Variants in PCNX1 observed in about 807,000 individuals in gnomAD.
PCNX1 encodes pecanex-like protein 1.
PCNX1 carries 78 observed loss-of-function variants against 242.2 expected under a neutral mutation model. The observed-to-expected ratio is 0.32, with a 90% CI of 0.27 to 0.39. PCNX1 has a LOEUF of 0.39. Ranked by LOEUF, PCNX1 falls within the 10% of genes least tolerant of loss-of-function variation. The pLI is 1.00. For synonymous variants in PCNX1, 1,024 were observed against 1,032.9 expected (o/e 0.99, Z 0.17); for missense variants, 2,581 against 2,856.5 (o/e 0.90, Z 2.20).
rs1451830506 is a variant in PCNX1 at position 71,033,525 on chromosome 14, C to T, written c.3655C>T (p.Pro1219Ser). The change falls in exon 17 of 36, where the codon CCA becomes TCA. Residue 1219 changes from proline to serine, a missense_variant. Physicochemically the swap from Pro to Ser is moderately conservative, Grantham distance 74. Coordinates refer to ENST00000304743, the MANE Select transcript of PCNX1 (RefSeq NM_014982.3). ...CCATCTCAGCCGACAAAGCAGTGAT[C>T]CATCTGTACTTTTGTAAGTGAACTC... Reference protein sequence around the residue: ...SYHLSRQSSDPSVLFSLVQSK... With the variant: ...SYHLSRQSSDSSVLFSLVQSK... The T allele has an allele frequency of 7.7e-6, 12 of 1,560,516 alleles. No individual in the cohort carries two copies. Among genetic ancestry groups the T allele is most frequent in the Non-Finnish European group, 1.1e-5 (12 of 1,134,258 alleles).
chr14:71,088,306 C>T (rs2062043889), intron 28 of PCNX1, 24 bp from the exon 29 acceptor site: 1 of 1,355,272 alleles, frequency 7.4e-7, no homozygotes, highest in Admixed American at 1.7e-5. Flanking sequence ...TTTCTGATAA[C>T]TAATGTTTTT....
At chr14:71,099,899 TTTTG>T (rs2062416865) in intron 30 of PCNX1, among the ~76,000 whole-genome samples, 1 of 152,176 alleles carries the variant, frequency 6.6e-6, no homozygotes, top group Non-Finnish European at 1.5e-5. Flanking sequence ...CCCCTGCTCT[TTTTG>T]TTTGTTTGCA....
chr14:70,912,238 A>G (rs1185903420), intron 1 of PCNX1, among the ~76,000 whole-genome samples: 1 of 152,088 alleles, frequency 6.6e-6, no homozygotes, highest in African/African-American at 2.4e-5. Context: ...CTGTCTCAAA[A>G]AAAAAAAGAA....
intron 2 of PCNX1, among the ~76,000 whole-genome samples, chr14:70,949,281 A>G (rs746036573): frequency 6.1e-3 from 196 of 31,922 alleles, no homozygotes; most frequent in South Asian, 0.017. Flanking sequence ...ACACACGTGT[A>G]TACACACACG....
chr14:71,109,950 T>G lies in PCNX1; in HGVS notation c.*15T>G, dbSNP rs1223909547. Reference sequence around the variant, plus strand: ...CTGAAGTGTGAGCCAGTGTTTATTATAAAGACATTTCTTTTTCCCTCTCAA... The same window carrying G: ...CTGAAGTGTGAGCCAGTGTTTATTAGAAAGACATTTCTTTTTCCCTCTCAA... On this transcript the variant is annotated 3_prime_UTR_variant, in exon 36 of 36. Transcript: ENST00000304743. 2 of 1,611,028 alleles carry G rather than the reference T, an allele frequency of 1.2e-6. No individual in the cohort carries two copies. Among genetic ancestry groups the G allele is most frequent in the South Asian group, 1.1e-5 (1 of 91,024 alleles).
intron 11 of PCNX1, among the ~76,000 whole-genome samples, chr14:71,014,559 G>A (rs2059909336): frequency 6.6e-6 from 1 of 152,186 alleles, no homozygotes; most frequent in Non-Finnish European, 1.5e-5. Context: ...CAAACTTAGA[G>A]AGTTGAAAAC....
chr14:71,011,679 A>G, intron 10 of PCNX1, 130 bp downstream of exon 10: 1 of 623,390 alleles, frequency 1.6e-6, no homozygotes, highest in Non-Finnish European at 2.8e-6. Flanking sequence ...AACTATGGCA[A>G]AATCACTTTG....
rs2057893472 is a variant in PCNX1 at position 70,953,943 on chromosome 14, C to T, written c.362+6820C>T. On this transcript the variant is annotated intron_variant, in intron 2 of 35. Transcript: ENST00000304743. ...TCAGCCTCCCAAAGTGCTGGGATTA[C>T]AGGCGTGATCCACGCGCCTGGCTAG... 2.0e-5 allele frequency among the ~76,000 whole-genome samples: 3 copies of T among 152,198 alleles called. No homozygotes were observed. The South Asian group carries it at 6.2e-4, about 31-fold the overall frequency.
intron 7 of PCNX1, among the ~76,000 whole-genome samples, chr14:70,990,441 G>A (rs2059131776): frequency 6.6e-6 from 1 of 151,696 alleles, no homozygotes; most frequent in African/African-American, 2.4e-5. Flanking sequence ...GTACGCACCT[G>A]TAGTCCCAGC....
intron 27 of PCNX1, among the ~76,000 whole-genome samples, chr14:71,075,662 C>T (rs535855939): frequency 7.8e-4 from 118 of 151,996 alleles, no homozygotes; most frequent in Non-Finnish European, 1.5e-3. Flanking sequence ...TTTGGGAGGC[C>T]GAGGCGGATG....
intron 19 of PCNX1, among the ~76,000 whole-genome samples, chr14:71,037,823 A>C (rs1351687367): frequency 6.7e-6 from 1 of 149,794 alleles, no homozygotes; most frequent in African/African-American, 2.5e-5. Flanking sequence ...ACTTCAAACT[A>C]TACTACAAGG....
chr14:71,074,181 C>CT (rs1381310641), intron 27 of PCNX1, among the ~76,000 whole-genome samples: 1 of 152,236 alleles, frequency 6.6e-6, no homozygotes, highest in African/African-American at 2.4e-5. Context: ...CCAAGATCCT[C>CT]TAACAAGTAG....
chr14:71,048,608 A>G lies in PCNX1; in HGVS notation c.4338+624A>G, dbSNP rs193048477. The stretch of plus-strand genomic sequence containing the variant: ...GTCAGTGAAATAGTAATTCAATTTC[A>G]TGTTAACACTGACCACATACAAAGG... On this transcript the variant is annotated intron_variant, in intron 22 of 35. Transcript: ENST00000304743. Among the ~76,000 whole-genome samples, 12 of 152,360 alleles carry G rather than the reference A, an allele frequency of 7.9e-5. No homozygotes were observed. The East Asian group carries it at 2.3e-3, about 29-fold the overall frequency.
chr14:71,068,757 TTATA>T (rs2061519815), intron 26 of PCNX1, among the ~76,000 whole-genome samples: 1 of 123,718 alleles, frequency 8.1e-6, no homozygotes, highest in Admixed American at 9.1e-5. Flanking sequence ...TTTATATACA[TTATA>T]TATTATGTAT....
chr14:71,018,069 T>G (rs2060005065), intron 11 of PCNX1, among the ~76,000 whole-genome samples: 1 of 152,154 alleles, frequency 6.6e-6, no homozygotes. Flanking sequence ...AGTAATATCA[T>G]TTTTGGTATA....
At chr14:70,912,809 T>G (rs2055983334) in intron 1 of PCNX1, among the ~76,000 whole-genome samples, 1 of 152,234 alleles carries the variant, frequency 6.6e-6, no homozygotes, top group Non-Finnish European at 1.5e-5. Context: ...CACTGTGCTG[T>G]AGTCACACTG....
chr14:71,081,719 T>A (rs1414516261), intron 28 of PCNX1, among the ~76,000 whole-genome samples: 1 of 152,226 alleles, frequency 6.6e-6, no homozygotes, highest in Non-Finnish European at 1.5e-5. Context: ...ATATCCCCTT[T>A]ATCATTTTTA....
chr14:70,974,791 T>A (rs956452296), intron 5 of PCNX1, among the ~76,000 whole-genome samples: 11 of 152,196 alleles, frequency 7.2e-5, no homozygotes, highest in South Asian at 2.1e-4. Flanking sequence ...ACAATTATTT[T>A]AAAAAAAGTT....
At position 71,105,403 on chromosome 14, in the gene PCNX1, A is replaced by T. The variant is rs766947004; in HGVS notation, c.6264A>T (p.Gly2088=). 1 of 1,613,902 alleles carries T rather than the reference A, an allele frequency of 6.2e-7. No individual in the cohort carries two copies. Residue 2088 remains glycine (G), a synonymous_variant, in exon 33 of 36, where the codon GGA becomes GGT. Transcript: ENST00000304743. ...ATCCTGGGCAGGGATCAGGAACTGG[A>T]CTCCACCCACCTGTCACATCTTATC... ...IGNPGQGSGT[G]LHPPVTSYPP... is the part of the protein sequence containing the mutation.
Sources: allele counts gnomAD v4.1 joint callset (sites outside exome capture counted in the v4.1 genomes callset), GRCh38; gene constraint gnomAD v4.1.1; transcripts MANE v1.5; gene names NCBI Gene and HGNC (gene_info 2026-07-23, HGNC 2026-07-21).